The following SLC8A1 variants were observed in gnomAD, a reference collection of about 807,000 sequenced individuals.
SLC8A1 encodes sodium/calcium exchanger 1.
Under a neutral mutation model 68.3 loss-of-function variants are expected in SLC8A1, and 18 were observed. That is an observed-to-expected ratio of 0.26 (90% confidence interval 0.18 to 0.39). SLC8A1 has a LOEUF of 0.39. Among genes scored for constraint, SLC8A1 ranks in the 10% least tolerant of loss-of-function variants. The pLI, the probability that SLC8A1 is intolerant of heterozygous loss-of-function variation, is 1.00. For synonymous variants in SLC8A1, 475 were observed against 415.5 expected, an observed-to-expected ratio of 1.14 and a Z score of -1.74; for missense variants, 985 against 1,156.7, an observed-to-expected ratio of 0.85 and a Z score of 2.15.
intron 7 of SLC8A1, among the ~76,000 whole-genome samples, chr2:40,127,279 G>A (rs1240330587): frequency 1.3e-5 from 2 of 152,170 alleles, no homozygotes; most frequent in Non-Finnish European, 2.9e-5. Flanking sequence ...ATAGCAGAAA[G>A]TTATTGTCAG....
intron 1 of SLC8A1, among the ~76,000 whole-genome samples, chr2:40,436,483 A>G (rs894398762): frequency 4.6e-5 from 7 of 152,148 alleles, no homozygotes; most frequent in Admixed American, 3.3e-4. Context: ...GGCTGGAAAG[A>G]CTGATCTCCA....
chr2:40,177,660 G>T, intron 3 of SLC8A1: 5 of 777,912 alleles, frequency 6.4e-6, no homozygotes, highest in South Asian at 3.2e-5. Context: ...CTTGGAAGCC[G>T]AGGAAGAGGA....
chr2:40,166,483 A>G (rs1421003739), intron 4 of SLC8A1, among the ~76,000 whole-genome samples: 1 of 152,252 alleles, frequency 6.6e-6, no homozygotes, highest in African/African-American at 2.4e-5. Flanking sequence ...CAGACTAAAA[A>G]TAAATGATTT....
chr2:40,483,257 C>T (rs1304877802), intron 1 of SLC8A1, among the ~76,000 whole-genome samples: 1 of 150,318 alleles, frequency 6.7e-6, no homozygotes, highest in African/African-American at 2.4e-5. Flanking sequence ...TTCACAATCA[C>T]TGAAAATATA....
chr2:40,448,303 T>C (rs972493414), intron 1 of SLC8A1, among the ~76,000 whole-genome samples: 6 of 151,736 alleles, frequency 4.0e-5, no homozygotes, highest in Admixed American at 3.3e-4. Context: ...GAAAAAGAGA[T>C]TTTGGAAGAG....
At chr2:40,215,439 C>T (rs1362830697) in intron 2 of SLC8A1, among the ~76,000 whole-genome samples, 2 of 151,866 alleles carry the variant, frequency 1.3e-5, no homozygotes, top group Non-Finnish European at 1.5e-5. Context: ...AGATCGAGAC[C>T]ATCCTGGCTA....
intron 6 of SLC8A1, among the ~76,000 whole-genome samples, chr2:40,149,938 C>G (rs542900709): frequency 1.3e-5 from 2 of 151,376 alleles, no homozygotes; most frequent in African/African-American, 4.9e-5. Context: ...TTCTACAACT[C>G]CAGAAGAAAA....
intron 4 of SLC8A1, among the ~76,000 whole-genome samples, chr2:40,171,071 C>A (rs920141715): frequency 6.6e-6 from 1 of 152,162 alleles, no homozygotes; most frequent in Non-Finnish European, 1.5e-5. Context: ...CAAGAGCTAC[C>A]CATAACTGAC....
intron 2 of SLC8A1, among the ~76,000 whole-genome samples, chr2:40,265,180 G>C (rs767629948): frequency 6.6e-6 from 1 of 152,138 alleles, no homozygotes. Context: ...GTAGACGATG[G>C]GCATGCAGCA....
intron 7 of SLC8A1, 35 bp downstream of exon 10, chr2:40,139,366 C>A (rs375125224): frequency 1.7e-5 from 28 of 1,607,592 alleles, no homozygotes; most frequent in Non-Finnish European, 2.3e-5. Context: ...TGAACTTCTG[C>A]TACTGGGGGA....
At chr2:40,328,916 A>C (rs879436819) in intron 2 of SLC8A1, among the ~76,000 whole-genome samples, 1 of 152,116 alleles carries the variant, frequency 6.6e-6, no homozygotes, top group Non-Finnish European at 1.5e-5. Flanking sequence ...CACAGAGTAG[A>C]TTATGTCACT....
chr2:40,207,636 T>C lies in SLC8A1; in HGVS notation c.1809-29781A>G, dbSNP rs559966538. Among the ~76,000 whole-genome samples the C allele has an allele frequency of 3.9e-5, 6 of 152,246 alleles. No individual in the cohort carries two copies. The East Asian group carries it at 7.7e-4, about 20-fold the overall frequency. On this transcript the variant is annotated intron_variant, in intron 2 of 7. Coordinates refer to ENST00000406785, the Ensembl canonical transcript of SLC8A1. ...CCACATTAAGAAGATGAAAATAATA[T>C]AAAATGATTGCTTAAAAAATATGGG... is the stretch of plus-strand genomic sequence containing the variant.
intron 2 of SLC8A1, among the ~76,000 whole-genome samples, chr2:40,316,721 G>C (rs1005243921): frequency 2.6e-5 from 4 of 151,844 alleles, no homozygotes; most frequent in African/African-American, 9.7e-5. Flanking sequence ...TGCAAATCTT[G>C]ATTTATATCA....
chr2:40,376,608 A>T (rs1290855339), intron 2 of SLC8A1, among the ~76,000 whole-genome samples: 1 of 152,094 alleles, frequency 6.6e-6, no homozygotes, highest in East Asian at 1.9e-4. Flanking sequence ...AAGGAAAAGG[A>T]AAGGAAAGTT....
At chr2:40,469,273 G>A (rs912532927) in intron 1 of SLC8A1, among the ~76,000 whole-genome samples, 1 of 152,138 alleles carries the variant, frequency 6.6e-6, no homozygotes, top group Non-Finnish European at 1.5e-5. Context: ...GGCCTGGTGG[G>A]AGGTGATTGG....
chr2:40,318,383 C>T (rs1019660784), intron 2 of SLC8A1, among the ~76,000 whole-genome samples: 3 of 152,026 alleles, frequency 2.0e-5, no homozygotes, highest in Non-Finnish European at 4.4e-5. Context: ...TTAGTTTTGA[C>T]TCACACTTAC....
chr2:40,126,079 G>C (rs978910182), intron 7 of SLC8A1, among the ~76,000 whole-genome samples: 2 of 152,086 alleles, frequency 1.3e-5, no homozygotes, highest in African/African-American at 4.8e-5. Context: ...GAGGGCACGA[G>C]GTGGGATTAG....
At chr2:40,139,660 G>A (rs781045590) in exon 7 of SLC8A1, 46 of 1,613,628 alleles carry the variant, frequency 2.9e-5, no homozygotes, top group African/African-American at 4.0e-5. Flanking sequence ...CACATTCATC[G>A]TCGTCATCAT....
At chr2:40,121,642 G>C (rs1558431792) in intron 7 of SLC8A1, among the ~76,000 whole-genome samples, 2 of 152,124 alleles carry the variant, frequency 1.3e-5, no homozygotes, top group African/African-American at 4.8e-5. Flanking sequence ...CTACTTCATA[G>C]GGTTTTGAAG....
Sources: allele counts gnomAD v4.1 joint callset (sites outside exome capture counted in the v4.1 genomes callset), GRCh38; gene constraint gnomAD v4.1.1; transcripts MANE v1.5; gene names NCBI Gene and HGNC (gene_info 2026-07-23, HGNC 2026-07-21).